The following CYP2C19 variants were observed in gnomAD, a reference collection of about 807,000 sequenced individuals.
CYP2C19 encodes the protein cytochrome P450 2C19.
A neutral mutation model predicts 40.9 loss-of-function variants in CYP2C19; 59 were observed. The observed-to-expected ratio is 1.44, with a 90% CI of 1.17 to 1.79. The LOEUF (loss-of-function observed/expected upper bound fraction) is 1.79. CYP2C19 is among the 40% of genes most tolerant of loss of function. CYP2C19 has a pLI of 0.00. For synonymous variants in CYP2C19, 253 were observed against 208.7 expected (o/e 1.21, Z -1.83); for missense variants, 754 against 596.9 (o/e 1.26, Z -2.74).
chr10:94,836,863 G>C (rs1206510016), intron 6 of CYP2C19, among the ~76,000 whole-genome samples: 1 of 152,214 alleles, frequency 6.6e-6, no homozygotes, highest in Non-Finnish European at 1.5e-5. Flanking sequence ...AATCATCCAC[G>C]TACTGAAGGA....
At chr10:94,770,391 T>C (rs2134232770) in intron 1 of CYP2C19, among the ~76,000 whole-genome samples, 1 of 152,294 alleles carries the variant, frequency 6.6e-6, no homozygotes. Flanking sequence ...TACTGGGTGA[T>C]TGGCCTGCTA....
chr10:94,774,384 G>A lies in CYP2C19; in HGVS notation c.169-674G>A, dbSNP rs375893617. ...GCTTGTTATGATTATTCCTCATAGGGATAGTATGAGGGAGGAATAAGCTAT... is the reference window on the plus strand; with the variant it reads ...GCTTGTTATGATTATTCCTCATAGGAATAGTATGAGGGAGGAATAAGCTAT... On this transcript the variant is annotated intron_variant, in intron 1 of 8. Transcript: ENST00000371321. The A allele has an allele frequency of 3.3e-5, 5 of 152,368 alleles. No individual in the cohort carries two copies. In the South Asian group the frequency reaches 1.0e-3, roughly 32 times the overall value. 9.4% of individuals were successfully genotyped at this position (152,368 alleles called of 1,614,324 possible).
chr10:94,851,548 T>C (rs376837385), intron 8 of CYP2C19, among the ~76,000 whole-genome samples: 1 of 152,114 alleles, frequency 6.6e-6, no homozygotes, highest in Non-Finnish European at 1.5e-5. Flanking sequence ...TTCTGCCATA[T>C]CAAAATACCC....
At chr10:94,829,805 G>A (rs1244598578) in intron 6 of CYP2C19, among the ~76,000 whole-genome samples, 2 of 151,114 alleles carry the variant, frequency 1.3e-5, no homozygotes, top group African/African-American at 4.9e-5. Context: ...TTTGGTCTTT[G>A]ATGATGGTGA....
chr10:94,777,242 G>A (rs1012082666), intron 3 of CYP2C19, among the ~76,000 whole-genome samples: 29 of 152,116 alleles, frequency 1.9e-4, no homozygotes, highest in African/African-American at 5.5e-4. Flanking sequence ...TAATTTATAG[G>A]TTCAATGCTA....
intron 6 of CYP2C19, among the ~76,000 whole-genome samples, chr10:94,832,711 G>GTT (rs370709834): frequency 7.9e-5 from 12 of 151,538 alleles, no homozygotes; most frequent in African/African-American, 2.9e-4. Flanking sequence ...CTCCAGTTTT[G>GTT]TTTTTTTTGC....
chr10:94,797,160 C>A (rs189510816), intron 5 of CYP2C19, among the ~76,000 whole-genome samples: 2 of 151,924 alleles, frequency 1.3e-5, no homozygotes, highest in African/African-American at 4.8e-5. Flanking sequence ...TTTTTAGATA[C>A]GTCCCATCAA....
chr10:94,817,742 G>A (rs931625363), intron 5 of CYP2C19, among the ~76,000 whole-genome samples: 11 of 151,992 alleles, frequency 7.2e-5, no homozygotes, highest in Admixed American at 2.0e-4. Context: ...GGCCGGGTGC[G>A]GTGGCTCACA....
intron 6 of CYP2C19, among the ~76,000 whole-genome samples, chr10:94,824,900 T>G (rs1849190412): frequency 6.7e-6 from 1 of 149,742 alleles, no homozygotes; most frequent in African/African-American, 2.5e-5. Flanking sequence ...AGTGAGAATA[T>G]GCAGTGTTTG....
Position 94,852,949 on chromosome 10 carries a change from C to A in CYP2C19, c.*35C>A. 6.2e-7 allele frequency: 1 copy of A among 1,604,640 alleles called. No homozygotes were observed. Among genetic ancestry groups the A allele is most frequent in the Non-Finnish European group, 8.5e-7 (1 of 1,172,806 alleles). On this transcript the variant is annotated 3_prime_UTR_variant, in exon 9 of 9. Transcript: ENST00000371321. ...GATGGTCTGGCTGCTCCTGTGCTGTCCCTGCAGCTCTCTTTCCTCTGGTCC... is the reference window on the plus strand; with the variant it reads ...GATGGTCTGGCTGCTCCTGTGCTGTACCTGCAGCTCTCTTTCCTCTGGTCC...
chr10:94,819,128 C>T (rs1330140458), intron 5 of CYP2C19, among the ~76,000 whole-genome samples: 3 of 150,368 alleles, frequency 2.0e-5, no homozygotes, highest in Admixed American at 6.7e-5. Flanking sequence ...ACAACCTGCT[C>T]CTGAATGACT....
intron 1 of CYP2C19, among the ~76,000 whole-genome samples, chr10:94,765,399 C>T (rs1848226027): frequency 1.3e-5 from 2 of 152,028 alleles, no homozygotes; most frequent in African/African-American, 4.8e-5. Context: ...GAAGAATATA[C>T]CTTGGCTGGG....
intron 5 of CYP2C19, among the ~76,000 whole-genome samples, chr10:94,797,004 C>G (rs1420209283): frequency 6.6e-6 from 1 of 151,984 alleles, no homozygotes; most frequent in Non-Finnish European, 1.5e-5. Flanking sequence ...ACCTGATTGC[C>G]CCGGCGAGAA....
chr10:94,847,103 T>C (rs938967054), intron 7 of CYP2C19, among the ~76,000 whole-genome samples: 1 of 151,814 alleles, frequency 6.6e-6, no homozygotes, highest in Non-Finnish European at 1.5e-5. Flanking sequence ...ATACTGTAAG[T>C]TTTAGGGTAC....
At chr10:94,792,296 G>C (rs1206539538) in intron 5 of CYP2C19, among the ~76,000 whole-genome samples, 1 of 152,038 alleles carries the variant, frequency 6.6e-6, no homozygotes, top group African/African-American at 2.4e-5. Context: ...CACACTGATG[G>C]GTCTTGACTC....
chr10:94,827,162 T>C (rs1156542764), intron 6 of CYP2C19, among the ~76,000 whole-genome samples: 1 of 151,688 alleles, frequency 6.6e-6, no homozygotes, highest in African/African-American at 2.4e-5. Context: ...GGTATCAGAA[T>C]GATGCTGGCC....
intron 5 of CYP2C19, among the ~76,000 whole-genome samples, chr10:94,811,778 C>T (rs1039076085): frequency 1.3e-5 from 2 of 151,820 alleles, no homozygotes; most frequent in African/African-American, 2.4e-5. Context: ...TGTCTTTTCA[C>T]GTGAGATAGG....
At chr10:94,811,519 C>A (rs916170447) in intron 5 of CYP2C19, among the ~76,000 whole-genome samples, 1 of 151,846 alleles carries the variant, frequency 6.6e-6, no homozygotes, top group Non-Finnish European at 1.5e-5. Flanking sequence ...GGAGCCTAAG[C>A]CTCTTTGTAG....
intron 5 of CYP2C19, among the ~76,000 whole-genome samples, chr10:94,817,535 T>C (rs1589365776): frequency 2.1e-5 from 3 of 146,080 alleles, no homozygotes; most frequent in Admixed American, 6.9e-5. Context: ...AGGTTGCCTG[T>C]TCACTCTGAT....
Sources: gnomAD v4.1 joint callset for allele counts (sites outside exome capture counted in the v4.1 genomes callset) on GRCh38, gnomAD v4.1.1 for gene constraint, MANE v1.5 for transcripts, NCBI Gene and HGNC (gene_info 2026-07-23, HGNC 2026-07-21) for gene names.